PLXNA4: variants seen among roughly 807,000 people sequenced by gnomAD.
The protein encoded by PLXNA4 is plexin A4, also known as plexin-A4.
PLXNA4 carries 44 observed loss-of-function variants against 191.8 expected under a neutral mutation model. The ratio of observed to expected loss-of-function variants is 0.23; its 90% CI spans 0.18 to 0.29. PLXNA4 has a LOEUF of 0.29. PLXNA4 is among the 10% of genes least tolerant of loss of function. PLXNA4 has a pLI of 1.00. For synonymous variants in PLXNA4, 1,082 were observed against 1,009.5 expected, an observed-to-expected ratio of 1.07 and a Z score of -1.36; for missense variants, 1,800 against 2,488.8, an observed-to-expected ratio of 0.72 and a Z score of 5.89.
chr7:132,275,961 C>A (rs1415599863), intron 4 of PLXNA4, among the ~76,000 whole-genome samples: 1 of 152,208 alleles, frequency 6.6e-6, no homozygotes, highest in African/African-American at 2.4e-5. Context: ...TGGTGGCCAG[C>A]TCTCATTTCA....
intron 2 of PLXNA4, among the ~76,000 whole-genome samples, chr7:132,640,885 T>C (rs1803730394): frequency 6.6e-6 from 1 of 152,218 alleles, no homozygotes; most frequent in African/African-American, 2.4e-5. Context: ...TTTGTGTTGC[T>C]CTTATACAGG....
At chr7:132,150,265 GT>G (rs1421641446) in intron 25 of PLXNA4, among the ~76,000 whole-genome samples, 1 of 152,118 alleles carries the variant, frequency 6.6e-6, no homozygotes, top group African/African-American at 2.4e-5. Flanking sequence ...TTATTGTGTT[GT>G]TTTTTTCTTC....
intron 3 of PLXNA4, chr7:132,385,424 T>G: frequency 7.6e-7 from 1 of 1,315,596 alleles, no homozygotes; most frequent in Non-Finnish European, 1.0e-6. Context: ...AGTAAATATG[T>G]ATTACAAAAT....
intron 3 of PLXNA4, among the ~76,000 whole-genome samples, chr7:132,334,988 C>A (rs1011843638): frequency 1.3e-5 from 2 of 152,220 alleles, no homozygotes; most frequent in Admixed American, 1.3e-4. Flanking sequence ...TGGATGATGA[C>A]TCTAAGCTCT....
At chr7:132,523,680 G>C (rs1333630255) in intron 1 of PLXNA4, among the ~76,000 whole-genome samples, 2 of 152,186 alleles carry the variant, frequency 1.3e-5, no homozygotes, top group African/African-American at 4.8e-5. Flanking sequence ...TTGGGTGGAA[G>C]AGGAGTTCAC....
Position 132,489,941 on chromosome 7 carries a change from G to C in PLXNA4, c.1189-467C>G, listed in dbSNP as rs1797720286. ...GGTCTTCGTATCTATACAGAAGAGG[G>C]ATGTGGTCTCCATATCTGGAGCAGA... On this transcript the variant is annotated intron_variant, in intron 2 of 31. Transcript: ENST00000321063. 2.6e-5 allele frequency among the ~76,000 whole-genome samples: 4 copies of C among 152,206 alleles called. 1 individual carries two copies. The South Asian group carries it at 8.3e-4, about 32-fold the overall frequency.
intron 1 of PLXNA4, among the ~76,000 whole-genome samples, chr7:132,522,744 C>G (rs1332475242): frequency 6.6e-6 from 1 of 152,202 alleles, no homozygotes; most frequent in African/African-American, 2.4e-5. Context: ...TGCACTCCAG[C>G]CTGGGTGGCA....
chr7:132,424,258 C>T (rs534859250), intron 3 of PLXNA4, among the ~76,000 whole-genome samples: 43 of 152,290 alleles, frequency 2.8e-4, no homozygotes, highest in African/African-American at 7.9e-4. Flanking sequence ...GTCTGCCCCC[C>T]GCTCCCTGGC....
chr7:132,419,204 G>A (rs570804896), intron 3 of PLXNA4, among the ~76,000 whole-genome samples: 2 of 152,160 alleles, frequency 1.3e-5, no homozygotes, highest in African/African-American at 2.4e-5. Context: ...ACAAGGAAAG[G>A]TTTCTACCTG....
chr7:132,189,027 A>AAAGGAAAG (rs1796999409), intron 14 of PLXNA4, among the ~76,000 whole-genome samples: 1 of 93,586 alleles, frequency 1.1e-5, no homozygotes, highest in Non-Finnish European at 2.1e-5. Flanking sequence ...AGAGAGAGAG[A>AAAGGAAAG]GAAAGAGAGA....
chr7:132,577,769 GA>G (rs1437027756), upstream of PLXNA4, among the ~76,000 whole-genome samples: 1 of 152,202 alleles, frequency 6.6e-6, no homozygotes, highest in African/African-American at 2.4e-5. Context: ...CTGGCCGTCG[GA>G]GGGACCCTCA....
chr7:132,189,328 C>T (rs887975252), intron 14 of PLXNA4, among the ~76,000 whole-genome samples: 8 of 151,978 alleles, frequency 5.3e-5, no homozygotes, highest in Non-Finnish European at 7.4e-5. Context: ...AAATATTTCA[C>T]GGTGGGTTTG....
At chr7:132,441,622 G>A (rs968184270) in intron 3 of PLXNA4, among the ~76,000 whole-genome samples, 1 of 152,188 alleles carries the variant, frequency 6.6e-6, no homozygotes, top group Non-Finnish European at 1.5e-5. Flanking sequence ...AGGTAGTAAT[G>A]AATGGAATTC....
chr7:132,579,732 G>A (rs570278830), upstream of PLXNA4, among the ~76,000 whole-genome samples: 4 of 152,188 alleles, frequency 2.6e-5, no homozygotes, highest in East Asian at 7.7e-4. Flanking sequence ...GAGCTCTCCC[G>A]TTGTTAATGG....
At chr7:132,598,690 C>T (rs1802762184) in intron 2 of PLXNA4, among the ~76,000 whole-genome samples, 3 of 150,330 alleles carry the variant, frequency 2.0e-5, no homozygotes, top group African/African-American at 7.5e-5. Flanking sequence ...AGTGCTCTGT[C>T]AGTTTTAGAC....
rs1312953727 is a variant in PLXNA4, at chr7:132,391,965, A to G, written c.1372-93743T>C. 2.6e-5 allele frequency among the ~76,000 whole-genome samples: 4 copies of G among 152,056 alleles called. No individual in the cohort carries two copies. The East Asian group carries it at 5.8e-4, about 22-fold the overall frequency. On this transcript the variant is annotated intron_variant, in intron 3 of 31. Coordinates refer to ENST00000321063, the MANE Select transcript of PLXNA4 (RefSeq NM_020911.2). Reference sequence around the variant, plus strand: ...AACATGGTGAAACCCCATCTCTACTAAAAATATGAAGCATTAGCCAGGCAC... The same window carrying G: ...AACATGGTGAAACCCCATCTCTACTGAAAATATGAAGCATTAGCCAGGCAC...
At chr7:132,420,378 T>C (rs1794807880) in intron 3 of PLXNA4, among the ~76,000 whole-genome samples, 2 of 152,206 alleles carry the variant, frequency 1.3e-5, no homozygotes, top group African/African-American at 2.4e-5. Context: ...GCCTCTGCCC[T>C]TTCTAATACT....
At chr7:132,131,220 A>C (rs2671102) in intron 31 of PLXNA4, among the ~76,000 whole-genome samples, 1 of 152,080 alleles carries the variant, frequency 6.6e-6, no homozygotes, top group Non-Finnish European at 1.5e-5. Context: ...CAGCCAGCAA[A>C]TGTGGCCCAT....
intron 4 of PLXNA4, among the ~76,000 whole-genome samples, chr7:132,271,446 A>T (rs1243913110): frequency 2.6e-5 from 4 of 151,522 alleles, no homozygotes; most frequent in Non-Finnish European, 4.4e-5. Context: ...AAAAAAAAAA[A>T]AGAAACATAC....
Sources: allele counts gnomAD v4.1 joint callset (sites outside exome capture counted in the v4.1 genomes callset), GRCh38; gene constraint gnomAD v4.1.1; transcripts MANE v1.5; gene names NCBI Gene and HGNC (gene_info 2026-07-23, HGNC 2026-07-21).